DOCK2: variants seen among roughly 807,000 people sequenced by gnomAD.
DOCK2 encodes the protein dedicator of cytokinesis 2.
Under a neutral mutation model 248.9 loss-of-function variants are expected in DOCK2, and 87 were observed. The ratio of observed to expected loss-of-function variants is 0.35; its 90% CI spans 0.29 to 0.42. DOCK2 has a LOEUF of 0.42. DOCK2 is among the 10% of genes least tolerant of loss of function. DOCK2 has a pLI of 1.00. For missense variants in DOCK2, 1,747 were observed against 2,300.2 expected (o/e 0.76, Z 4.92); for synonymous variants, 805 against 821.6 (o/e 0.98, Z 0.35).
intron 27 of DOCK2, among the ~76,000 whole-genome samples, chr5:169,946,272 A>G (rs1319356445): frequency 6.6e-6 from 1 of 152,086 alleles, no homozygotes; most frequent in Non-Finnish European, 1.5e-5. Flanking sequence ...CCAGCCCCCC[A>G]CATCCAGCCC....
intron 25 of DOCK2, among the ~76,000 whole-genome samples, chr5:169,787,158 C>T (rs1383844920): frequency 5.3e-5 from 8 of 152,220 alleles, no homozygotes; most frequent in African/African-American, 1.7e-4. Flanking sequence ...TCCACTTCCG[C>T]ACTCTGCTCA....
At position 169,837,514 on chromosome 5, in the gene DOCK2, C is replaced by A. The variant is rs528836333; in HGVS notation, c.2704-3243C>A. On this transcript the variant is annotated intron_variant, in intron 26 of 51. Transcript: ENST00000520908. ...CTGCTACGTGCTGGCAATCTGCAAG[C>A]CCAACCAGAGAGCTGATGCAAACCA... Among the ~76,000 whole-genome samples the A allele has an allele frequency of 7.7e-4, 117 of 152,294 alleles. 3 individuals are homozygous for A. Among genetic ancestry groups the A allele is most frequent in the Admixed American group, 7.5e-3 (115 of 15,290 alleles).
intron 20 of DOCK2, 93 bp downstream of exon 20, chr5:169,716,395 A>G: frequency 7.8e-7 from 1 of 1,280,918 alleles, no homozygotes; most frequent in Non-Finnish European, 1.1e-6. Context: ...CATGGCCCTC[A>G]TGGCCTTTTT....
intron 25 of DOCK2, among the ~76,000 whole-genome samples, chr5:169,790,744 A>G (rs1345720479): frequency 6.6e-6 from 1 of 152,188 alleles, no homozygotes; most frequent in East Asian, 1.9e-4. Flanking sequence ...AATTTGTATC[A>G]TGTTTTACTT....
At chr5:169,973,084 A>G (rs1376680667) in intron 27 of DOCK2, among the ~76,000 whole-genome samples, 1 of 152,220 alleles carries the variant, frequency 6.6e-6, no homozygotes, top group African/African-American at 2.4e-5. Context: ...CTCCTCAAGA[A>G]GGAAAACGAG....
intron 23 of DOCK2, among the ~76,000 whole-genome samples, chr5:169,748,130 A>G (rs974572039): frequency 6.6e-6 from 1 of 150,902 alleles, no homozygotes; most frequent in Non-Finnish European, 1.5e-5. Flanking sequence ...GCCCAAACAC[A>G]TTTATCTAAA....
At chr5:169,656,316 C>T (rs1758112817) in intron 2 of DOCK2, among the ~76,000 whole-genome samples, 1 of 151,298 alleles carries the variant, frequency 6.6e-6, no homozygotes, top group Admixed American at 6.6e-5. Flanking sequence ...GCACAGTGAG[C>T]TAGTGGATTT....
At chr5:170,052,240 C>T (rs1009025502) in intron 41 of DOCK2, among the ~76,000 whole-genome samples, 1 of 152,214 alleles carries the variant, frequency 6.6e-6, no homozygotes, top group African/African-American at 2.4e-5. Flanking sequence ...TGCGTACCTG[C>T]TCTACCATGG....
At position 169,873,833 on chromosome 5, in the gene DOCK2, A is replaced by G. The variant is rs186384215; in HGVS notation, c.2799+32981A>G. ...GCACTCTCAGACCTCCAACCGTGTG[A>G]CCTCAAGCGGCTCACACAGCTCTCT... On this transcript the variant is annotated intron_variant, in intron 27 of 51. Coordinates refer to ENST00000520908, the MANE Select transcript of DOCK2 (RefSeq NM_004946.3). Among the ~76,000 whole-genome samples, 666 of 152,244 alleles carry G rather than the reference A, an allele frequency of 4.4e-3. 7 individuals carry two copies. The highest frequency in any genetic ancestry group is 0.015 in the African/African-American group (624 of 41,554).
At chr5:169,936,796 C>A (rs1776021795) in intron 27 of DOCK2, among the ~76,000 whole-genome samples, 1 of 152,066 alleles carries the variant, frequency 6.6e-6, no homozygotes, top group Admixed American at 6.6e-5. Flanking sequence ...CGTGGCAATG[C>A]CCACTTAGTA....
intron 46 of DOCK2, 94 bp downstream of exon 46, chr5:170,069,314 C>T (rs1379222346): frequency 7.7e-7 from 1 of 1,306,828 alleles, no homozygotes; most frequent in African/African-American, 1.5e-5. Flanking sequence ...CTGAGGCAGC[C>T]TGAATTCACA....
chr5:170,076,143 A>G (rs1757831824), intron 47 of DOCK2, 59 bp downstream of exon 47: 10 of 1,577,902 alleles, frequency 6.3e-6, no homozygotes, highest in Admixed American at 3.5e-5. Flanking sequence ...GCAGGGAAGC[A>G]TGCTGGAGGC....
chr5:169,948,967 T>C (rs1687860030), intron 27 of DOCK2, among the ~76,000 whole-genome samples: 1 of 152,228 alleles, frequency 6.6e-6, no homozygotes, highest in Non-Finnish European at 1.5e-5. Context: ...GAATATCCTA[T>C]ACTTTTTTAT....
intron 20 of DOCK2, among the ~76,000 whole-genome samples, chr5:169,716,831 C>G (rs762950741): frequency 6.6e-6 from 1 of 152,090 alleles, no homozygotes. Flanking sequence ...AGTGTTATGT[C>G]AAAATAAACA....
intron 25 of DOCK2, among the ~76,000 whole-genome samples, chr5:169,785,000 A>G (rs558004658): frequency 6.6e-6 from 1 of 152,368 alleles, no homozygotes; most frequent in Admixed American, 6.5e-5. Context: ...GAAGATAGAT[A>G]TGGCTAAATC....
intron 30 of DOCK2, among the ~76,000 whole-genome samples, chr5:170,006,295 G>T (rs2036388): frequency 0.31 from 47,144 of 151,976 alleles, 7,536 homozygotes; most frequent in Middle Eastern, 0.39. Flanking sequence ...TTGAGGAAGG[G>T]AGTGGCATGA....
At chr5:169,647,997 G>A (rs1301498442) in intron 1 of DOCK2, among the ~76,000 whole-genome samples, 1 of 152,092 alleles carries the variant, frequency 6.6e-6, no homozygotes, top group African/African-American at 2.4e-5. Context: ...GGGGCTGGAG[G>A]GCTGATTTGA....
At chr5:169,727,401 TG>T (rs1762541413) in intron 22 of DOCK2, among the ~76,000 whole-genome samples, 1 of 152,186 alleles carries the variant, frequency 6.6e-6, no homozygotes, top group African/African-American at 2.4e-5. Flanking sequence ...AGGTTCTTGC[TG>T]TTGTGCTGTA....
intron 35 of DOCK2, 150 bp downstream of exon 35, chr5:170,034,705 TCTGCTAGC>T: frequency 8.7e-7 from 1 of 1,146,934 alleles, no homozygotes; most frequent in Admixed American, 2.9e-5. Context: ...TGCTGCGCTT[TCTGCTAGC>T]TTTGTGTCTT....
Sources: allele counts gnomAD v4.1 joint callset (sites outside exome capture counted in the v4.1 genomes callset), GRCh38; gene constraint gnomAD v4.1.1; transcripts MANE v1.5; gene names NCBI Gene and HGNC (gene_info 2026-07-23, HGNC 2026-07-21).